The following FAM53A variants were observed in gnomAD, a reference collection of about 807,000 sequenced individuals.
FAM53A encodes protein FAM53A.
Under a neutral mutation model 26.6 loss-of-function variants are expected in FAM53A, and 28 were observed. The observed-to-expected ratio is 1.05, with a 90% CI of 0.78 to 1.45. FAM53A has a LOEUF of 1.45. FAM53A is among the 40% of genes most tolerant of loss of function. The pLI, the probability that FAM53A is intolerant of heterozygous loss-of-function variation, is 0.00. For missense variants in FAM53A, 650 were observed against 575.8 expected (o/e 1.13, Z -1.32); for synonymous variants, 290 against 253.1 (o/e 1.15, Z -1.38).
intron 3 of FAM53A, among the ~76,000 whole-genome samples, chr4:1,655,953 T>A (rs1265548871): frequency 6.6e-6 from 1 of 152,084 alleles, no homozygotes; most frequent in Non-Finnish European, 1.5e-5. Flanking sequence ...ACACCGTGTC[T>A]GAAGGAGGTG....
At chr4:1,670,946 G>A (rs1371880468) in intron 1 of FAM53A, among the ~76,000 whole-genome samples, 3 of 144,378 alleles carry the variant, frequency 2.1e-5, no homozygotes, top group Admixed American at 1.4e-4. Context: ...CTGTCCCAGC[G>A]TCAGAGCCCC....
intron 1 of FAM53A, among the ~76,000 whole-genome samples, chr4:1,623,521 C>T (rs1036331344): frequency 1.6e-4 from 24 of 152,356 alleles, no homozygotes; most frequent in Middle Eastern, 3.4e-3. Context: ...CTTGGTCACC[C>T]GCTGCAGGGC....
chr4:1,610,227 C>A, the FAM53A span, among the ~76,000 whole-genome samples: 2 of 151,970 alleles, frequency 1.3e-5, no homozygotes, highest in Non-Finnish European at 2.9e-5. Context: ...CCTCCCTACA[C>A]CCCACTCAAC....
intron 4 of FAM53A, among the ~76,000 whole-genome samples, chr4:1,647,310 G>A (rs577929215): frequency 1.1e-4 from 17 of 151,726 alleles, no homozygotes; most frequent in Admixed American, 5.2e-4. Flanking sequence ...ACTCCAGCCC[G>A]GGTGACAGAG....
At chr4:1,635,751 T>C (rs1406728671), downstream of FAM53A, among the ~76,000 whole-genome samples, 1 of 152,130 alleles carries the variant, frequency 6.6e-6, no homozygotes, top group African/African-American at 2.4e-5. Context: ...CAAGTGCATT[T>C]TTGGAATTTC....
upstream of FAM53A, among the ~76,000 whole-genome samples, chr4:1,684,796 T>C (rs1715708778): frequency 6.6e-6 from 1 of 152,078 alleles, no homozygotes; most frequent in Non-Finnish European, 1.5e-5. Flanking sequence ...CCCTCTCGGG[T>C]CGCACTTCTG....
At chr4:1,609,081 A>G in the FAM53A span, among the ~76,000 whole-genome samples, 5 of 152,050 alleles carry the variant, frequency 3.3e-5, no homozygotes, top group Non-Finnish European at 7.4e-5. Context: ...GCAGACCCCA[A>G]GCCCTGGCTC....
At chr4:1,623,497 T>C (rs1715144522) in intron 1 of FAM53A, among the ~76,000 whole-genome samples, 2 of 152,148 alleles carry the variant, frequency 1.3e-5, no homozygotes. Flanking sequence ...GGCTGGGCAG[T>C]TCTCGGGAGT....
the FAM53A span, among the ~76,000 whole-genome samples, chr4:1,577,009 C>G: frequency 2.0e-5 from 3 of 152,020 alleles, no homozygotes; most frequent in African/African-American, 4.8e-5. Flanking sequence ...CGGCCCCTCC[C>G]TCCCTCCAGC....
downstream of FAM53A, among the ~76,000 whole-genome samples, chr4:1,636,914 C>G (rs1315396084): frequency 6.6e-6 from 1 of 151,818 alleles, no homozygotes; most frequent in Non-Finnish European, 1.5e-5. Context: ...AGGGCTGGAA[C>G]AGCGAAGGTG....
chr4:1,621,892 T>C (rs1715052990), intron 1 of FAM53A, among the ~76,000 whole-genome samples: 1 of 152,098 alleles, frequency 6.6e-6, no homozygotes. Context: ...GGAAACCTGA[T>C]CCCCACAGTG....
At chr4:1,652,470 C>T (rs1011991340) in intron 4 of FAM53A, among the ~76,000 whole-genome samples, 3 of 147,762 alleles carry the variant, frequency 2.0e-5, no homozygotes, top group African/African-American at 2.5e-5. Flanking sequence ...ACACACGACA[C>T]ACATCACACA....
chr4:1,685,743 A>T (rs1333231355), upstream of FAM53A, among the ~76,000 whole-genome samples: 1 of 152,126 alleles, frequency 6.6e-6, no homozygotes, highest in African/African-American at 2.4e-5. Flanking sequence ...GGGTCCGGTA[A>T]TCCCCCACCT....
chr4:1,581,601 T>G, the FAM53A span, among the ~76,000 whole-genome samples: 1 of 152,166 alleles, frequency 6.6e-6, no homozygotes, highest in Non-Finnish European at 1.5e-5. Context: ...TTTTTTTGTT[T>G]TGTTTTGTTT....
chr4:1,644,663 G>A (rs976984409), intron 4 of FAM53A: 3 of 289,144 alleles, frequency 1.0e-5, no homozygotes, highest in Non-Finnish European at 2.0e-5. Context: ...ACACAAAACA[G>A]TTGTCCAAAA....
chr4:1,654,880 T>G, intron 4 of FAM53A, 98 bp downstream of exon 4: 1 of 1,427,560 alleles, frequency 7.0e-7, no homozygotes, highest in East Asian at 2.6e-5. Flanking sequence ...ACCAGCCGGA[T>G]GCTAACAGCC....
chr4:1,682,598 C>T (rs928123928), intron 1 of FAM53A, among the ~76,000 whole-genome samples: 2 of 152,090 alleles, frequency 1.3e-5, no homozygotes, highest in African/African-American at 4.8e-5. Context: ...TCCCTGTTCC[C>T]AATGCACCGG....
At chr4:1,656,882 G>A (rs550369840) in intron 3 of FAM53A, among the ~76,000 whole-genome samples, 3 of 152,136 alleles carry the variant, frequency 2.0e-5, no homozygotes, top group East Asian at 1.9e-4. Context: ...TTCGCTGGGG[G>A]AGGACCTGGG....
At chr4:1,621,934 T>C (rs1411995747) in intron 1 of FAM53A, among the ~76,000 whole-genome samples, 1 of 152,102 alleles carries the variant, frequency 6.6e-6, no homozygotes, top group Non-Finnish European at 1.5e-5. Context: ...TGATGGGAAG[T>C]GTTTGGGTCG....
Sources: allele counts gnomAD v4.1 joint callset (sites outside exome capture counted in the v4.1 genomes callset), GRCh38; gene constraint gnomAD v4.1.1; transcripts MANE v1.5; gene names NCBI Gene and HGNC (gene_info 2026-07-23, HGNC 2026-07-21).